SPMIP6: variants seen among roughly 807,000 people sequenced by gnomAD.
The protein encoded by SPMIP6 is ciliated bronchial epithelial protein 1.
the SPMIP6 span, chr9:34,381,601 C>G: frequency 3.2e-5 from 46 of 1,446,422 alleles, no homozygotes; most frequent in East Asian, 8.0e-4. This position sits in a 1 kb window ranked among gnomAD's most constrained non-coding sequence, Gnocchi z 4.4. Context: ...GCGGCTGTCA[C>G]CGGGCAACGC....
At chr9:34,386,186 G>C in the SPMIP6 span, among the ~76,000 whole-genome samples, 1 of 152,182 alleles carries the variant, frequency 6.6e-6, no homozygotes, top group Non-Finnish European at 1.5e-5. Context: ...TCTCAGAAAA[G>C]AGGGCTACCC....
chr9:34,383,776 C>G, the SPMIP6 span, among the ~76,000 whole-genome samples: 1 of 152,176 alleles, frequency 6.6e-6, no homozygotes, highest in Non-Finnish European at 1.5e-5. Flanking sequence ...CCATTTACTT[C>G]ACAGGGTTGC....
the SPMIP6 span, chr9:34,397,798 C>T: frequency 1.7e-5 from 11 of 662,288 alleles, no homozygotes; most frequent in Non-Finnish European, 2.0e-5. Flanking sequence ...TCCCCAACAG[C>T]CTTCCTGCTC....
the SPMIP6 span, chr9:34,379,573 C>T: frequency 7.5e-7 from 1 of 1,338,828 alleles, no homozygotes; most frequent in Non-Finnish European, 1.1e-6. The surrounding 1 kb of genome is among the most constrained non-coding windows in gnomAD (Gnocchi z 4.2). Context: ...GTCTACCAGA[C>T]ATCCTCCCCC....
the SPMIP6 span, chr9:34,381,146 C>A: frequency 6.4e-7 from 1 of 1,568,778 alleles, no homozygotes; most frequent in South Asian, 1.2e-5. The surrounding 1 kb of genome is among the most constrained non-coding windows in gnomAD (Gnocchi z 4.4). Context: ...TCCCGCGGGT[C>A]CCCAGCGCAG....
At chr9:34,381,395 G>A in the SPMIP6 span, 1 of 1,614,114 alleles carries the variant, frequency 6.2e-7, no homozygotes, top group Non-Finnish European at 8.5e-7. This position sits in a 1 kb window ranked among gnomAD's most constrained non-coding sequence, Gnocchi z 4.4. Flanking sequence ...CTCCGGCCTA[G>A]GAGGGCATTC....
At chr9:34,388,682 C>T in the SPMIP6 span, among the ~76,000 whole-genome samples, 6 of 146,404 alleles carry the variant, frequency 4.1e-5, no homozygotes, top group Admixed American at 2.0e-4. Flanking sequence ...AAAATTGTGT[C>T]GCCATTGCCT....
the SPMIP6 span, chr9:34,381,422 A>ACTG: frequency 6.2e-7 from 1 of 1,613,998 alleles, no homozygotes; most frequent in Middle Eastern, 1.6e-4. The surrounding 1 kb of genome is among the most constrained non-coding windows in gnomAD (Gnocchi z 4.4). Context: ...CATTCCTCGA[A>ACTG]CTGCTGTCTC....
the SPMIP6 span, chr9:34,382,893 C>T: frequency 7.1e-7 from 1 of 1,416,360 alleles, no homozygotes; most frequent in Non-Finnish European, 1.0e-6. Context: ...GTGGAGATGT[C>T]AAATAGTGTT....
chr9:34,381,257 C>T, the SPMIP6 span: 1 of 1,587,822 alleles, frequency 6.3e-7, no homozygotes, highest in Middle Eastern at 1.8e-4. This position sits in a 1 kb window ranked among gnomAD's most constrained non-coding sequence, Gnocchi z 4.4. Context: ...GTTCCACCCT[C>T]TCCAGGACCC....
chr9:34,383,732 C>T, the SPMIP6 span, among the ~76,000 whole-genome samples: 4 of 152,312 alleles, frequency 2.6e-5, no homozygotes, highest in African/African-American at 7.2e-5. Flanking sequence ...TGATGTGTCT[C>T]AGTTTCTCCA....
chr9:34,382,946 C>A, the SPMIP6 span: 1 of 992,924 alleles, frequency 1.0e-6, no homozygotes, highest in South Asian at 1.3e-5. Flanking sequence ...CTACATGTTT[C>A]TCTTCCGATT....
At chr9:34,391,824 A>G in the SPMIP6 span, among the ~76,000 whole-genome samples, 3 of 152,114 alleles carry the variant, frequency 2.0e-5, no homozygotes, top group Non-Finnish European at 4.4e-5. Context: ...TTAAATCTGT[A>G]GTAGTTGGGT....
chr9:34,380,907 G>A, the SPMIP6 span: 2 of 1,580,112 alleles, frequency 1.3e-6, no homozygotes, highest in Non-Finnish European at 1.7e-6. Flanking sequence ...CTTACAGTCG[G>A]TTGCTCCCGG....
At chr9:34,388,081 ACAGAGGTGGG>A in the SPMIP6 span, among the ~76,000 whole-genome samples, 3 of 150,958 alleles carry the variant, frequency 2.0e-5, no homozygotes, top group Non-Finnish European at 4.4e-5. Context: ...TTTAGCAGAG[ACAGAGGTGGG>A]CAGTTACCCT....
At chr9:34,385,617 A>G in the SPMIP6 span, 4 of 1,601,076 alleles carry the variant, frequency 2.5e-6, no homozygotes, top group Non-Finnish European at 3.4e-6. Flanking sequence ...TTTAGGGGTC[A>G]GCAAAGGGTG....
chr9:34,388,928 C>T, the SPMIP6 span, among the ~76,000 whole-genome samples: 106 of 94,734 alleles, frequency 1.1e-3, no homozygotes, highest in African/African-American at 3.8e-3. Context: ...TTTCCTCTCT[C>T]TTTCTTTTTT....
At chr9:34,379,853 C>G in the SPMIP6 span, 2 of 696,730 alleles carry the variant, frequency 2.9e-6, no homozygotes, top group Non-Finnish European at 5.0e-6. The surrounding 1 kb of genome is among the most constrained non-coding windows in gnomAD (Gnocchi z 4.2). Context: ...AAATCCTCCT[C>G]TCCTTCTTCC....
At chr9:34,385,824 C>T in the SPMIP6 span, 20 of 1,589,446 alleles carry the variant, frequency 1.3e-5, no homozygotes, top group East Asian at 4.5e-4. Flanking sequence ...GGCACAGAGA[C>T]CCCAGCCCTG....
Sources: allele counts gnomAD v4.1 joint callset (sites outside exome capture counted in the v4.1 genomes callset), GRCh38; gene constraint gnomAD v4.1.1; non-coding constraint Gnocchi (gnomAD v3.1); transcripts MANE v1.5; gene names NCBI Gene and HGNC (gene_info 2026-07-23, HGNC 2026-07-21).